ATXN7L1: variants seen among roughly 807,000 people sequenced by gnomAD.
ATXN7L1 encodes the protein ataxin 7 like 1, also known as ataxin-7-like protein 1.
A neutral mutation model predicts 70.8 loss-of-function variants in ATXN7L1; 15 were observed. That is an observed-to-expected ratio of 0.21 (90% confidence interval 0.14 to 0.33). The LOEUF (loss-of-function observed/expected upper bound fraction) is 0.33. ATXN7L1 is among the 10% of genes least tolerant of loss of function. The pLI, the probability that ATXN7L1 is intolerant of heterozygous loss-of-function variation, is 1.00. For synonymous variants in ATXN7L1, 440 were observed against 445.1 expected (o/e 0.99, Z 0.14); for missense variants, 975 against 1,097.1 (o/e 0.89, Z 1.57).
intron 3 of ATXN7L1, among the ~76,000 whole-genome samples, chr7:105,667,369 G>C (rs1802770440): frequency 6.6e-6 from 1 of 152,216 alleles, no homozygotes; most frequent in African/African-American, 2.4e-5. Flanking sequence ...AGAAAATGCA[G>C]AACTTAGAAT....
chr7:105,669,467 A>G (rs1019320484), intron 3 of ATXN7L1, among the ~76,000 whole-genome samples: 4 of 152,180 alleles, frequency 2.6e-5, no homozygotes, highest in South Asian at 2.1e-4. Flanking sequence ...TGCCCTTAAT[A>G]TAAGTTTTTT....
chr7:105,872,699 G>C (rs1818442330), intron 2 of ATXN7L1, among the ~76,000 whole-genome samples: 1 of 152,172 alleles, frequency 6.6e-6, no homozygotes, highest in South Asian at 2.1e-4. Context: ...AATGGGTACA[G>C]AGTTTCTGAC....
intron 2 of ATXN7L1, among the ~76,000 whole-genome samples, chr7:105,865,628 C>T (rs1208257130): frequency 6.6e-6 from 1 of 152,172 alleles, no homozygotes. Context: ...GTATCGATCT[C>T]CTGACCTCGT....
intron 4 of ATXN7L1, among the ~76,000 whole-genome samples, chr7:105,653,458 A>AAAC (rs1800160805): frequency 6.6e-6 from 1 of 152,128 alleles, no homozygotes; most frequent in Non-Finnish European, 1.5e-5. Context: ...AAACAAACAA[A>AAAC]AACAACAACA....
At chr7:105,633,109 A>G (rs779254368) in intron 7 of ATXN7L1, among the ~76,000 whole-genome samples, 3 of 152,164 alleles carry the variant, frequency 2.0e-5, no homozygotes, top group Admixed American at 1.3e-4. Flanking sequence ...TTCTGTAGGG[A>G]AATGATTTTC....
At chr7:105,718,448 T>G (rs1270041259) in intron 3 of ATXN7L1, among the ~76,000 whole-genome samples, 1 of 152,184 alleles carries the variant, frequency 6.6e-6, no homozygotes, top group Non-Finnish European at 1.5e-5. Context: ...TTAAGGCGTA[T>G]TTAAGGAAGC....
intron 2 of ATXN7L1, among the ~76,000 whole-genome samples, chr7:105,800,409 G>T (rs1190525857): frequency 6.6e-6 from 1 of 152,072 alleles, no homozygotes; most frequent in Non-Finnish European, 1.5e-5. Flanking sequence ...TTCAATTCCC[G>T]CAGAAACAAC....
chr7:105,680,895 TC>T (rs1415839759), intron 3 of ATXN7L1, among the ~76,000 whole-genome samples: 2 of 152,172 alleles, frequency 1.3e-5, no homozygotes, highest in Non-Finnish European at 2.9e-5. Flanking sequence ...GGGCCAGCTC[TC>T]CCAGAGCAAT....
rs534218883 is a variant in ATXN7L1 at position 105,768,946 on chromosome 7, G to T, written c.355+19658C>A. ...CCTGTACTGGGTGCATTTTTTTGCT[G>T]CTCTGTAAGCCTTTTCCCCCCCTGG... On this transcript the variant is annotated intron_variant, in intron 3 of 11. Transcript: ENST00000419735. Among the ~76,000 whole-genome samples, 9 of 152,256 alleles carry T rather than the reference G, an allele frequency of 5.9e-5. No homozygotes were observed. In the South Asian group the frequency reaches 1.4e-3, roughly 25 times the overall value.
intron 2 of ATXN7L1, among the ~76,000 whole-genome samples, chr7:105,858,097 A>G (rs1021694571): frequency 2.6e-5 from 4 of 152,060 alleles, no homozygotes; most frequent in Admixed American, 2.0e-4. Context: ...GTGGTGTGGT[A>G]GTATGTGCCT....
intron 4 of ATXN7L1, among the ~76,000 whole-genome samples, chr7:105,657,892 T>C (rs1402184932): frequency 6.6e-6 from 1 of 152,074 alleles, no homozygotes; most frequent in Non-Finnish European, 1.5e-5. Flanking sequence ...TTATAACCTT[T>C]AGTTTTTATG....
chr7:105,863,066 C>G (rs1686118044), intron 2 of ATXN7L1, among the ~76,000 whole-genome samples: 1 of 152,206 alleles, frequency 6.6e-6, no homozygotes, highest in African/African-American at 2.4e-5. Context: ...TCCTAGAGAG[C>G]ACACCCTTCA....
In ATXN7L1 at chr7:105,661,680, G is replaced by A. The variant is rs188510269; in HGVS notation, c.578+3386C>T. On this transcript the variant is annotated intron_variant, in intron 4 of 11. Coordinates refer to ENST00000419735, the MANE Select transcript of ATXN7L1 (RefSeq NM_020725.2). ...TCAGAACTGAGGCTGAGCCCTCTAA[G>A]GCTCAAAACCAAATCATCCCAGCCT... Among the ~76,000 whole-genome samples, 82 of 152,272 alleles carry A rather than the reference G, an allele frequency of 5.4e-4. No homozygotes were observed. In the South Asian group the frequency reaches 0.016, roughly 30 times the overall value.
At chr7:105,769,315 C>A (rs1221878725) in intron 3 of ATXN7L1, among the ~76,000 whole-genome samples, 1 of 152,096 alleles carries the variant, frequency 6.6e-6, no homozygotes, top group Non-Finnish European at 1.5e-5. Context: ...CTTCTGGAAG[C>A]GTGACCATGG....
rs1229609105 is a variant in ATXN7L1, at chr7:105,639,419, TG to T, written c.945+67del. 2.8e-5 allele frequency: 35 copies of T among 1,230,412 alleles called. No individual in the cohort carries two copies. In the East Asian group the frequency reaches 8.4e-4, roughly 29 times the overall value. The allele number at this position is 1,230,412 out of a possible 1,614,324, so 76.2% of individuals were successfully genotyped here. A position where few individuals can be genotyped will look rare whatever the true frequency, so the allele number is the denominator to read the frequency against. ...TCCACACCCTGCCGTGTGCAGAGAGTGGCATGCAAACATTTCGACAAAGGCC... is the reference window on the plus strand; with the variant it reads ...TCCACACCCTGCCGTGTGCAGAGAGTGCATGCAAACATTTCGACAAAGGCC... On this transcript the variant is annotated intron_variant, in intron 6 of 11. Coordinates refer to ENST00000419735, the MANE Select transcript of ATXN7L1 (RefSeq NM_020725.2).
At chr7:105,779,348 A>G (rs1803209195) in intron 3 of ATXN7L1, among the ~76,000 whole-genome samples, 1 of 152,242 alleles carries the variant, frequency 6.6e-6, no homozygotes, top group Non-Finnish European at 1.5e-5. Context: ...TGTTATTTTT[A>G]TCCTGCATTA....
chr7:105,633,248 T>C (rs1034700876), intron 7 of ATXN7L1, among the ~76,000 whole-genome samples: 2 of 152,142 alleles, frequency 1.3e-5, no homozygotes, highest in South Asian at 4.1e-4. Flanking sequence ...ATGAAAGAGG[T>C]ACTTCATCAA....
At chr7:105,834,728 G>A (rs1030167039) in intron 2 of ATXN7L1, among the ~76,000 whole-genome samples, 1 of 152,122 alleles carries the variant, frequency 6.6e-6, no homozygotes, top group Non-Finnish European at 1.5e-5. Context: ...CACACACACT[G>A]TAGGCTTGCA....
At chr7:105,709,629 C>T (rs1490125849) in intron 3 of ATXN7L1, among the ~76,000 whole-genome samples, 6 of 152,296 alleles carry the variant, frequency 3.9e-5, no homozygotes, top group Admixed American at 3.9e-4. Context: ...ATTATTCAAA[C>T]TAGCCAATCC....
Sources: gnomAD v4.1 joint callset for allele counts (sites outside exome capture counted in the v4.1 genomes callset) on GRCh38, gnomAD v4.1.1 for gene constraint, MANE v1.5 for transcripts, NCBI Gene and HGNC (gene_info 2026-07-23, HGNC 2026-07-21) for gene names.